Variants in ADAMTSL1 observed in about 807,000 individuals in gnomAD.
The protein encoded by ADAMTSL1 is ADAMTS like 1.
In ADAMTSL1, 126 loss-of-function variants were observed where a neutral mutation model predicts 201.8. That is an observed-to-expected ratio of 0.62 (90% CI 0.54 to 0.72). The LOEUF (loss-of-function observed/expected upper bound fraction) is 0.72, where lower values mean the gene tolerates loss of function less well. Among genes scored for constraint, ADAMTSL1 ranks in the 30% least tolerant of loss-of-function variants. The pLI is 0.00. For synonymous variants in ADAMTSL1, 1,121 were observed against 903.4 expected, an observed-to-expected ratio of 1.24 and a Z score of -4.32; for missense variants, 2,679 against 2,277.8, an observed-to-expected ratio of 1.18 and a Z score of -3.59.
chr9:18,385,057 C>T (rs1837735242), intron 2 of ADAMTSL1, among the ~76,000 whole-genome samples: 1 of 152,188 alleles, frequency 6.6e-6, no homozygotes, highest in African/African-American at 2.4e-5. Flanking sequence ...GACATAAATA[C>T]TGTGCTTCCT....
intron 3 of ADAMTSL1, among the ~76,000 whole-genome samples, chr9:18,542,236 T>C (rs1160216819): frequency 1.3e-5 from 2 of 152,194 alleles, no homozygotes; most frequent in African/African-American, 4.8e-5. Context: ...TTATACATAA[T>C]TGAGTTTTTA....
At chr9:18,549,922 C>T (rs10756971) in intron 3 of ADAMTSL1, among the ~76,000 whole-genome samples, 39,529 of 151,706 alleles carry the variant, frequency 0.26, 5,586 homozygotes, top group East Asian at 0.6. Context: ...GAATCAAAAT[C>T]TTCAGTTTAA....
chr9:18,582,086 C>A (rs1245432181), intron 4 of ADAMTSL1, among the ~76,000 whole-genome samples: 2 of 152,206 alleles, frequency 1.3e-5, no homozygotes. Context: ...TTCTGAATAA[C>A]TGCATCTCTA....
intron 7 of ADAMTSL1, among the ~76,000 whole-genome samples, chr9:18,643,628 G>A (rs1827587921): frequency 6.6e-6 from 1 of 151,940 alleles, no homozygotes; most frequent in Non-Finnish European, 1.5e-5. Context: ...TTCCACATAT[G>A]GAAGTTTTTC....
At chr9:18,509,408 C>A (rs1355614023) in intron 2 of ADAMTSL1, among the ~76,000 whole-genome samples, 1 of 152,080 alleles carries the variant, frequency 6.6e-6, no homozygotes, top group Non-Finnish European at 1.5e-5. Context: ...ATTGGTGTAG[C>A]AATTATTCAT....
chr9:18,376,444 TGAA>T (rs373237111), intron 2 of ADAMTSL1, among the ~76,000 whole-genome samples: 3 of 152,178 alleles, frequency 2.0e-5, no homozygotes, highest in African/African-American at 7.2e-5. Flanking sequence ...TGAGAGATAC[TGAA>T]GAAGAAGAAA....
In ADAMTSL1 at chr9:18,705,266, C is replaced by G. The variant is rs764889499; in HGVS notation, c.1575-1481C>G. Among the ~76,000 whole-genome samples the G allele has an allele frequency of 3.3e-5, 5 of 152,116 alleles. No individual in the cohort carries two copies. In the East Asian group the frequency reaches 7.7e-4, roughly 24 times the overall value. ...GCCAGGTTTGCATGCCTCTGCAGCA[C>G]GACTCCCTGTGAGAAAGCAATAGGA... On this transcript the variant is annotated intron_variant, in intron 13 of 28. Transcript: ENST00000380548.
At chr9:18,837,613 G>A (rs1194921838) in intron 23 of ADAMTSL1, among the ~76,000 whole-genome samples, 3 of 152,130 alleles carry the variant, frequency 2.0e-5, no homozygotes, top group Admixed American at 6.5e-5. Flanking sequence ...CCACCAATAC[G>A]CATTCTGCGC....
chr9:18,440,519 T>C (rs1419354646), intron 2 of ADAMTSL1, among the ~76,000 whole-genome samples: 1 of 151,766 alleles, frequency 6.6e-6, no homozygotes, highest in Non-Finnish European at 1.5e-5. Flanking sequence ...AGTCCTACTT[T>C]ATGAAAAGTA....
At chr9:18,766,781 A>G (rs1820389267) in intron 16 of ADAMTSL1, among the ~76,000 whole-genome samples, 1 of 152,138 alleles carries the variant, frequency 6.6e-6, no homozygotes, top group Non-Finnish European at 1.5e-5. Flanking sequence ...TTCCACCGTC[A>G]TGACCTAATC....
intron 2 of ADAMTSL1, among the ~76,000 whole-genome samples, chr9:18,219,651 C>T (rs1830183615): frequency 6.6e-6 from 1 of 152,084 alleles, no homozygotes; most frequent in South Asian, 2.1e-4. Context: ...AGCCACTGTG[C>T]CCAGCCTATA....
At chr9:18,123,008 G>A (rs866373981) in intron 1 of ADAMTSL1, among the ~76,000 whole-genome samples, 3 of 152,056 alleles carry the variant, frequency 2.0e-5, no homozygotes, top group Non-Finnish European at 2.9e-5. Flanking sequence ...CAAAGTGCTG[G>A]GATTATAGAC....
chr9:18,855,926 G>C (rs533424037), intron 23 of ADAMTSL1, among the ~76,000 whole-genome samples: 2 of 152,310 alleles, frequency 1.3e-5, no homozygotes, highest in African/African-American at 4.8e-5. Flanking sequence ...CCCAGAAAAA[G>C]AATTTAGGCA....
At chr9:18,713,237 T>A (rs1457413690) in intron 14 of ADAMTSL1, among the ~76,000 whole-genome samples, 1 of 151,818 alleles carries the variant, frequency 6.6e-6, no homozygotes, top group Non-Finnish European at 1.5e-5. Flanking sequence ...AGGATCATAT[T>A]CACACATAAC....
At chr9:18,182,863 A>C (rs964429855) in intron 2 of ADAMTSL1, among the ~76,000 whole-genome samples, 2 of 152,156 alleles carry the variant, frequency 1.3e-5, no homozygotes, top group South Asian at 4.1e-4. Context: ...GCTATACTGC[A>C]CTATATGCTG....
intron 23 of ADAMTSL1, among the ~76,000 whole-genome samples, chr9:18,844,926 C>T (rs1280754755): frequency 6.6e-6 from 1 of 152,192 alleles, no homozygotes; most frequent in Non-Finnish European, 1.5e-5. Flanking sequence ...ACCCGATTTT[C>T]CAGGTGCCGT....
chr9:18,809,736 C>A (rs961295843), intron 20 of ADAMTSL1, among the ~76,000 whole-genome samples: 3 of 152,094 alleles, frequency 2.0e-5, no homozygotes, highest in African/African-American at 7.2e-5. Flanking sequence ...TTGCAGTGAG[C>A]TGAGATCCCC....
At chr9:18,176,961 A>G (rs1048139354) in intron 2 of ADAMTSL1, among the ~76,000 whole-genome samples, 13 of 152,234 alleles carry the variant, frequency 8.5e-5, no homozygotes, top group African/African-American at 2.7e-4. Context: ...AAAGGAGTTG[A>G]TGAGCACAGA....
At chr9:18,552,548 G>A (rs1157517900) in intron 3 of ADAMTSL1, among the ~76,000 whole-genome samples, 2 of 151,614 alleles carry the variant, frequency 1.3e-5, no homozygotes, top group East Asian at 3.9e-4. Context: ...ATTTCTATAT[G>A]AGTATATCAA....
Sources: gnomAD v4.1 joint callset for allele counts (sites outside exome capture counted in the v4.1 genomes callset) on GRCh38, gnomAD v4.1.1 for gene constraint, MANE v1.5 for transcripts, NCBI Gene and HGNC (gene_info 2026-07-23, HGNC 2026-07-21) for gene names.